The following RAG1 variants were observed in gnomAD, a reference collection of about 807,000 sequenced individuals.
The protein encoded by RAG1 is recombination activating 1.
Under a neutral mutation model 62.7 loss-of-function variants are expected in RAG1, and 35 were observed. The observed-to-expected ratio is 0.56, with a 90% confidence interval of 0.43 to 0.74. RAG1 has a LOEUF of 0.74. Ranked by LOEUF, RAG1 falls within the 30% of genes least tolerant of loss-of-function variation. The probability of loss-of-function intolerance (pLI) is 0.00; values close to 1 mark genes in which losing one functional copy is unlikely to be tolerated. For synonymous variants in RAG1, 461 were observed against 470.3 expected (o/e 0.98, Z 0.26); for missense variants, 1,169 against 1,278.6 (o/e 0.91, Z 1.31).
chr11:36,526,226 C>T (rs1017914557), intron 2 of RAG1, among the ~76,000 whole-genome samples: 1 of 147,988 alleles, frequency 6.8e-6, no homozygotes, highest in African/African-American at 2.5e-5. Context: ...TAATGCTATC[C>T]TTCCCCCCTC....
At chr11:36,515,812 G>A (rs1344106985) in intron 1 of RAG1, among the ~76,000 whole-genome samples, 3 of 152,300 alleles carry the variant, frequency 2.0e-5, no homozygotes, top group East Asian at 3.9e-4. Flanking sequence ...GGAGGCAGAA[G>A]TTTAGTTTTA....
intron 2 of RAG1, among the ~76,000 whole-genome samples, chr11:36,521,773 T>C (rs981147745): frequency 6.6e-6 from 1 of 152,174 alleles, no homozygotes; most frequent in Non-Finnish European, 1.5e-5. Flanking sequence ...GATAATGATA[T>C]GGATAATGTA....
chr11:36,545,488 A>G (rs1475470432), intron 3 of RAG1, among the ~76,000 whole-genome samples: 2 of 152,188 alleles, frequency 1.3e-5, no homozygotes, highest in Non-Finnish European at 2.9e-5. Flanking sequence ...GTCTCACCAG[A>G]AACCAATTCT....
chr11:36,514,276 T>C (rs1337475127), intron 1 of RAG1, among the ~76,000 whole-genome samples: 2 of 152,164 alleles, frequency 1.3e-5, no homozygotes, highest in African/African-American at 4.8e-5. Context: ...AACTGTGATA[T>C]AATAAATGTT....
chr11:36,518,864 A>G (rs968059379), intron 1 of RAG1, among the ~76,000 whole-genome samples: 1 of 151,990 alleles, frequency 6.6e-6, no homozygotes, highest in Non-Finnish European at 1.5e-5. Context: ...CCATTTGTCA[A>G]TTTTGTCTTT....
chr11:36,518,967 A>G (rs866506552), intron 1 of RAG1, among the ~76,000 whole-genome samples: 4 of 152,228 alleles, frequency 2.6e-5, no homozygotes, highest in Admixed American at 2.6e-4. Flanking sequence ...TAACCAAGTA[A>G]TGTTCATGTT....
chr11:36,525,527 A>G (rs1263351455), intron 2 of RAG1, among the ~76,000 whole-genome samples: 1 of 152,192 alleles, frequency 6.6e-6, no homozygotes, highest in Admixed American at 6.5e-5. Context: ...GTCAATGAAC[A>G]TGGTATGTCT....
chr11:36,534,671 A>G (rs1381270337), intron 2 of RAG1, among the ~76,000 whole-genome samples: 1 of 152,192 alleles, frequency 6.6e-6, no homozygotes, highest in Non-Finnish European at 1.5e-5. Flanking sequence ...TTACATTGCA[A>G]AAGATGTAGG....
At chr11:36,565,269 C>T (rs754345038), upstream of RAG1, among the ~76,000 whole-genome samples, 7 of 152,176 alleles carry the variant, frequency 4.6e-5, no homozygotes, top group Non-Finnish European at 1.0e-4. Context: ...TTGTTATCAG[C>T]AATTGGAACT....
chr11:36,536,360 A>G (rs1029402448), downstream of RAG1, among the ~76,000 whole-genome samples: 3 of 152,224 alleles, frequency 2.0e-5, no homozygotes, highest in Non-Finnish European at 4.4e-5. Flanking sequence ...GTTGAATGAA[A>G]GAAGCCAGAA....
chr11:36,576,159 G>T lies in RAG1; in HGVS notation c.2855G>T (p.Arg952Met). ...GCCCATGTTCCTGAAATTATTGAGA[G>T]GGATGGCTCCATTGGGGCATGGGCA... Reference protein sequence around the residue: ...TLAHVPEIIERDGSIGAWASE... With the variant: ...TLAHVPEIIEMDGSIGAWASE... Residue 952 changes from arginine (R) to methionine (M), a missense_variant, in exon 2 of 2, where the codon AGG becomes ATG. Physicochemically the swap from Arg to Met is moderately conservative, Grantham distance 91 (BLOSUM62 -1). Coordinates refer to ENST00000299440, the MANE Select transcript of RAG1 (RefSeq NM_000448.3). 2 of 1,614,108 alleles carry T rather than the reference G, an allele frequency of 1.2e-6. No individual in the cohort carries two copies. The highest frequency in any genetic ancestry group is 1.7e-6 in the Non-Finnish European group (2 of 1,180,034).
At chr11:36,541,948 C>T (rs1850309621) in intron 3 of RAG1, among the ~76,000 whole-genome samples, 2 of 152,140 alleles carry the variant, frequency 1.3e-5, no homozygotes, top group Admixed American at 1.3e-4. Flanking sequence ...ATTGTGACCC[C>T]ATAGTACTCA....
chr11:36,574,039 AG>A lies in RAG1; in HGVS notation c.736del (p.Ala246ProfsTer18), dbSNP rs1850793620. On this transcript the variant is annotated frameshift_variant, in exon 2 of 2. Coordinates refer to ENST00000299440, the MANE Select transcript of RAG1 (RefSeq NM_000448.3). LOFTEE classifies it high-confidence loss of function. Reference sequence around the variant, plus strand: ...AAACTGTGCTTGACCAAGCAAGACAAGCCCGTCAGCACAAGAGAAGAGCTCA... The same window carrying A: ...AAACTGTGCTTGACCAAGCAAGACAACCCGTCAGCACAAGAGAAGAGCTCA... ...LKTVLDQARQARQHKRRAQAR... is the reference protein window; with the variant it reads ...LKTVLDQARQXRQHKRRAQAR... 1 of 1,614,190 alleles carries A rather than the reference AG, an allele frequency of 6.2e-7. No homozygotes were observed. The highest frequency in any genetic ancestry group is 8.5e-7 in the Non-Finnish European group (1 of 1,180,032).
At chr11:36,570,201 A>G (rs144137229) in intron 1 of RAG1, among the ~76,000 whole-genome samples, 12 of 152,336 alleles carry the variant, frequency 7.9e-5, no homozygotes, top group African/African-American at 2.6e-4. Flanking sequence ...TGCATCAAAG[A>G]TAATATATTC....
rs200013770 is a variant in RAG1 at position 36,578,725 on chromosome 11, T to G, written c.*2289T>G. 3 of 167,256 alleles carry G rather than the reference T, an allele frequency of 1.8e-5. No individual in the cohort carries two copies. The East Asian group carries it at 5.8e-4, about 32-fold the overall frequency. 10.4% of individuals were successfully genotyped at this position (167,256 alleles called of 1,614,324 possible). On this transcript the variant is annotated 3_prime_UTR_variant, in exon 2 of 2. Transcript: ENST00000299440. ...ACATCTGGCTGCAGGAATTTCAATA[T>G]GTAGAAACGCTGCCTATGGTTTTTT...
intron 2 of RAG1, among the ~76,000 whole-genome samples, chr11:36,531,431 C>T (rs949167517): frequency 1.7e-4 from 26 of 151,622 alleles, no homozygotes; most frequent in Admixed American, 9.2e-4. Flanking sequence ...CTTAAACATT[C>T]GTTAGAATTC....
downstream of RAG1, among the ~76,000 whole-genome samples, chr11:36,537,512 C>A (rs1860350837): frequency 6.6e-6 from 1 of 152,084 alleles, no homozygotes; most frequent in Admixed American, 6.6e-5. Flanking sequence ...AATAAAATAT[C>A]AAATAGCATA....
At position 36,573,536 on chromosome 11, in the gene RAG1, C is replaced by G. The variant is rs759537311; in HGVS notation, c.232C>G (p.Gln78Glu). The G allele has an allele frequency of 1.9e-6, 3 of 1,614,200 alleles. No individual in the cohort carries two copies. Among genetic ancestry groups the G allele is most frequent in the Middle Eastern group, 1.6e-4 (1 of 6,062 alleles). ...KADGQKPVPTQPLLKAHPKFS... is the reference protein window; with the variant it reads ...KADGQKPVPTEPLLKAHPKFS... ...TGATGGTCAGAAGCCAGTCCCAACT[C>G]AGCCATTGTTAAAAGCCCACCCTAA... The change falls in exon 2 of 2, where the codon CAG becomes GAG. Residue 78 changes from glutamine (Q) to glutamate (E), a missense_variant. Coordinates refer to ENST00000299440, the MANE Select transcript of RAG1 (RefSeq NM_000448.3).
intron 1 of RAG1, among the ~76,000 whole-genome samples, chr11:36,518,178 T>G (rs550428400): frequency 1.5e-4 from 23 of 152,130 alleles, no homozygotes; most frequent in Non-Finnish European, 1.9e-4. Context: ...ACTCATCATT[T>G]TTTATGGCTG....
Sources: allele counts gnomAD v4.1 joint callset (sites outside exome capture counted in the v4.1 genomes callset), GRCh38; gene constraint gnomAD v4.1.1; transcripts MANE v1.5; gene names NCBI Gene and HGNC (gene_info 2026-07-23, HGNC 2026-07-21).